The following ACTR3 variants were observed in gnomAD, a reference collection of about 807,000 sequenced individuals.
ACTR3 encodes actin related protein 3.
Under a neutral mutation model 56.8 loss-of-function variants are expected in ACTR3, and 12 were observed. That is an observed-to-expected ratio of 0.21 (90% CI 0.14 to 0.34). The LOEUF (loss-of-function observed/expected upper bound fraction) is 0.34, where lower values mean the gene tolerates loss of function less well. ACTR3 is among the 10% of genes least tolerant of loss of function. The pLI is 1.00. For synonymous variants in ACTR3, 162 were observed against 167.4 expected (o/e 0.97, Z 0.25); for missense variants, 282 against 512.5 (o/e 0.55, Z 4.34).
chr2:113,937,996 C>G (rs1350724242), intron 6 of ACTR3, among the ~76,000 whole-genome samples: 1 of 152,148 alleles, frequency 6.6e-6, no homozygotes, highest in East Asian at 1.9e-4. Flanking sequence ...TTCACAGTGT[C>G]TCAAAGATCA....
chr2:113,909,867 C>T (rs1393462626), intron 1 of ACTR3, among the ~76,000 whole-genome samples: 4 of 151,926 alleles, frequency 2.6e-5, no homozygotes, highest in Non-Finnish European at 5.9e-5. Context: ...AACAATTTTA[C>T]AATGAACAAT....
At chr2:113,918,186 A>G (rs1266803191) in intron 3 of ACTR3, among the ~76,000 whole-genome samples, 2 of 152,160 alleles carry the variant, frequency 1.3e-5, no homozygotes, top group Non-Finnish European at 2.9e-5. Flanking sequence ...TCCTATTGGC[A>G]ACATTAATGA....
At chr2:113,923,350 G>GTTT (rs375735975) in intron 3 of ACTR3, among the ~76,000 whole-genome samples, 895 of 56,930 alleles carry the variant, frequency 0.016, 10 homozygotes, top group African/African-American at 0.033. Flanking sequence ...TTGTTTGTTT[G>GTTT]TTTTTGAGAC....
chr2:113,904,965 A>G (rs1294084588), intron 1 of ACTR3: 2 of 151,978 alleles, frequency 1.3e-5, no homozygotes, highest in East Asian at 3.9e-4. Context: ...ATCTGTCTAG[A>G]TAATTTGTGT....
At chr2:113,890,836 G>A in intron 1 of ACTR3, 1 of 979,300 alleles carries the variant, frequency 1.0e-6, no homozygotes, top group Non-Finnish European at 1.2e-6. Context: ...TGGGGAAAGG[G>A]AAGAATCGGA....
At chr2:113,913,621 C>G (rs922212913) in intron 2 of ACTR3, among the ~76,000 whole-genome samples, 1 of 152,168 alleles carries the variant, frequency 6.6e-6, no homozygotes, top group Non-Finnish European at 1.5e-5. Context: ...GGGCCCGTAT[C>G]TGTTGACGTC....
At chr2:113,905,371 A>G (rs13011246) in intron 1 of ACTR3, 10,608 of 152,216 alleles carry the variant, frequency 0.07, 481 homozygotes, top group East Asian at 0.18. Context: ...AGGCTGAGGC[A>G]GGAGAATCGC....
At chr2:113,919,295 T>C (rs1473060008) in intron 3 of ACTR3, among the ~76,000 whole-genome samples, 2 of 152,230 alleles carry the variant, frequency 1.3e-5, no homozygotes, top group African/African-American at 4.8e-5. Context: ...CATTAAAATG[T>C]GGTCTACTCA....
chr2:113,946,931 C>T (rs1238616840), intron 8 of ACTR3, among the ~76,000 whole-genome samples: 3 of 152,166 alleles, frequency 2.0e-5, no homozygotes, highest in Non-Finnish European at 2.9e-5. Flanking sequence ...CTTTTCCAAA[C>T]AGGATTGAAA....
chr2:113,925,424 G>C (rs1316158997), intron 3 of ACTR3, among the ~76,000 whole-genome samples: 1 of 152,082 alleles, frequency 6.6e-6, no homozygotes, highest in East Asian at 1.9e-4. Flanking sequence ...TCAAACTCCT[G>C]ACCTCAGGTG....
At chr2:113,905,624 A>G (rs145826208) in intron 1 of ACTR3, among the ~76,000 whole-genome samples, 11 of 152,160 alleles carry the variant, frequency 7.2e-5, no homozygotes, top group African/African-American at 2.7e-4. Context: ...CCCAAACTGA[A>G]ACTCTGCGCA....
At chr2:113,955,741 A>G (rs938612714) in intron 11 of ACTR3, 35 bp downstream of exon 11, 4 of 1,501,762 alleles carry the variant, frequency 2.7e-6, no homozygotes, top group East Asian at 2.4e-5. Context: ...ATTTTATTTT[A>G]TCATTATTAT....
Position 113,950,273 on chromosome 2 carries a change from G to A in ACTR3, c.859-1206G>A, listed in dbSNP as rs546627881. ...CTTTTTCTCTGTAAGACACATCACAGCCTCCTTGTGTTTACTAGCCAGCAC... is the reference window on the plus strand; with the variant it reads ...CTTTTTCTCTGTAAGACACATCACAACCTCCTTGTGTTTACTAGCCAGCAC... On this transcript the variant is annotated intron_variant, in intron 8 of 11. Coordinates refer to ENST00000263238, the MANE Select transcript of ACTR3 (RefSeq NM_005721.5). Among the ~76,000 whole-genome samples the A allele has an allele frequency of 9.8e-5, 15 of 152,304 alleles. No individual in the cohort carries two copies. In the South Asian group the frequency reaches 3.1e-3, roughly 32 times the overall value.
chr2:113,929,526 G>A (rs565556449), intron 4 of ACTR3, among the ~76,000 whole-genome samples: 4 of 152,222 alleles, frequency 2.6e-5, no homozygotes, highest in Non-Finnish European at 4.4e-5. Context: ...GTCTAAATAC[G>A]TAAGTATGGA....
chr2:113,941,083 G>T (rs1679916661), intron 7 of ACTR3, among the ~76,000 whole-genome samples: 2 of 152,078 alleles, frequency 1.3e-5, no homozygotes, highest in Admixed American at 1.3e-4. Context: ...CAAAGTGCTG[G>T]ATGTGAGTCA....
intron 1 of ACTR3, among the ~76,000 whole-genome samples, chr2:113,892,866 G>C (rs568892303): frequency 6.6e-6 from 1 of 152,272 alleles, no homozygotes; most frequent in African/African-American, 2.4e-5. Context: ...GATCGTCTTA[G>C]ATAGGAAAGC....
chr2:113,956,815 T>C (rs1427795891), intron 11 of ACTR3, among the ~76,000 whole-genome samples: 3 of 152,222 alleles, frequency 2.0e-5, no homozygotes, highest in South Asian at 2.1e-4. Flanking sequence ...TCCTCAATTT[T>C]AGTCTTCTTC....
At chr2:113,905,652 G>A (rs1043124277) in intron 1 of ACTR3, among the ~76,000 whole-genome samples, 2 of 151,848 alleles carry the variant, frequency 1.3e-5, no homozygotes, top group Admixed American at 6.6e-5. Flanking sequence ...GTAACTTCCC[G>A]TTCTCTCCTC....
chr2:113,926,062 A>G (rs138566997), intron 3 of ACTR3, among the ~76,000 whole-genome samples: 1 of 152,334 alleles, frequency 6.6e-6, no homozygotes, highest in Non-Finnish European at 1.5e-5. Context: ...AGACACTTAA[A>G]TTGGAAACGT....
Sources: allele counts gnomAD v4.1 joint callset (sites outside exome capture counted in the v4.1 genomes callset), GRCh38; gene constraint gnomAD v4.1.1; transcripts MANE v1.5; gene names NCBI Gene and HGNC (gene_info 2026-07-23, HGNC 2026-07-21).